The following ADAMTS3 variants were observed in gnomAD, a reference collection of about 807,000 sequenced individuals.
ADAMTS3 encodes the protein A disintegrin and metalloproteinase with thrombospondin motifs 3.
In ADAMTS3, 73 loss-of-function variants were observed where a neutral mutation model predicts 129.0. The observed-to-expected ratio is 0.57, with a 90% CI of 0.47 to 0.69. The LOEUF is 0.69. ADAMTS3 is among the 30% of genes least tolerant of loss of function. The probability of loss-of-function intolerance (pLI) is 0.00; values close to 1 mark genes in which losing one functional copy is unlikely to be tolerated. For synonymous variants in ADAMTS3, 477 were observed against 510.8 expected (o/e 0.93, Z 0.89); for missense variants, 1,457 against 1,514.5 (o/e 0.96, Z 0.63).
In ADAMTS3 at chr4:72,468,359, A is replaced by G. The variant is rs1718975539; in HGVS notation, c.505-53388T>C. ...GTCTTAAGAAAAATAAATCAGGACA[A>G]TATCCCAAATTTCTTTTCAAATACA... On this transcript the variant is annotated intron_variant, in intron 3 of 21. Transcript: ENST00000286657. Among the ~76,000 whole-genome samples, 3 of 152,090 alleles carry G rather than the reference A, an allele frequency of 2.0e-5. No individual in the cohort carries two copies. The South Asian group carries it at 6.2e-4, about 31-fold the overall frequency.
intron 14 of ADAMTS3, among the ~76,000 whole-genome samples, chr4:72,310,800 A>C (rs1423679500): frequency 6.6e-6 from 1 of 151,934 alleles, no homozygotes; most frequent in Non-Finnish European, 1.5e-5. Context: ...GAGGCCTCAG[A>C]GTTACTCAGA....
chr4:72,468,802 T>C (rs1020636346), intron 3 of ADAMTS3, among the ~76,000 whole-genome samples: 8 of 151,950 alleles, frequency 5.3e-5, no homozygotes, highest in African/African-American at 1.9e-4. Flanking sequence ...TTTGACTTGG[T>C]TCACAGCTTA....
At chr4:72,340,765 T>A (rs2109833084) in intron 4 of ADAMTS3, among the ~76,000 whole-genome samples, 1 of 152,200 alleles carries the variant, frequency 6.6e-6, no homozygotes, top group Admixed American at 6.5e-5. Flanking sequence ...CTATATTTTT[T>A]GAGAAAAAAA....
At chr4:72,424,571 G>A (rs1055636285) in intron 3 of ADAMTS3, among the ~76,000 whole-genome samples, 12 of 151,852 alleles carry the variant, frequency 7.9e-5, no homozygotes, top group African/African-American at 2.2e-4. Context: ...ATGCTAAAAC[G>A]CCTGCCTAGA....
intron 5 of ADAMTS3, among the ~76,000 whole-genome samples, chr4:72,338,119 T>TAATGGA (rs1720036803): frequency 1.3e-5 from 2 of 152,164 alleles, no homozygotes; most frequent in African/African-American, 2.4e-5. Flanking sequence ...AATGGATGAC[T>TAATGGA]TGTATTTACA....
chr4:72,379,193 AT>A (rs1721212984), intron 4 of ADAMTS3, among the ~76,000 whole-genome samples: 1 of 152,086 alleles, frequency 6.6e-6, no homozygotes, highest in African/African-American at 2.4e-5. Flanking sequence ...GGGAGGGGCT[AT>A]TCAGGGCGTG....
intron 3 of ADAMTS3, among the ~76,000 whole-genome samples, chr4:72,494,623 T>C (rs1357809495): frequency 6.6e-6 from 1 of 152,192 alleles, no homozygotes; most frequent in South Asian, 2.1e-4. Flanking sequence ...TTTGGTGATA[T>C]CATGTTTAGC....
intron 4 of ADAMTS3, among the ~76,000 whole-genome samples, chr4:72,361,413 A>G (rs1346068625): frequency 6.6e-6 from 1 of 152,200 alleles, no homozygotes; most frequent in Non-Finnish European, 1.5e-5. Flanking sequence ...ACAGATTGTT[A>G]TAATGGCAAT....
chr4:72,554,929 T>A lies in ADAMTS3; in HGVS notation c.98-6045A>T, dbSNP rs907918800. 2.6e-5 allele frequency among the ~76,000 whole-genome samples: 4 copies of A among 151,856 alleles called. 1 individual carries two copies. The highest frequency in any genetic ancestry group is 9.7e-5 in the African/African-American group (4 of 41,118). On this transcript the variant is annotated intron_variant, in intron 2 of 21. Coordinates refer to ENST00000286657, the MANE Select transcript of ADAMTS3 (RefSeq NM_014243.3). ...ATCTGTAAATTACGGGTAATAGTATTGACTTCATAGGCTTGTTGTAAAATT... is the reference window on the plus strand; with the variant it reads ...ATCTGTAAATTACGGGTAATAGTATAGACTTCATAGGCTTGTTGTAAAATT...
At chr4:72,297,667 G>A (rs1718843396) in intron 18 of ADAMTS3, among the ~76,000 whole-genome samples, 1 of 152,082 alleles carries the variant, frequency 6.6e-6, no homozygotes, top group Admixed American at 6.6e-5. Flanking sequence ...GTGAGTGAGA[G>A]CATGTGTTCA....
chr4:72,398,434 G>T (rs1721784567), intron 4 of ADAMTS3, among the ~76,000 whole-genome samples: 1 of 152,048 alleles, frequency 6.6e-6, no homozygotes, highest in Non-Finnish European at 1.5e-5. Flanking sequence ...AAATAGGTGG[G>T]CATAGTAACG....
intron 5 of ADAMTS3, 128 bp from the exon 6 acceptor site, chr4:72,323,225 T>A (rs968109919): frequency 3.0e-5 from 21 of 708,060 alleles, no homozygotes; most frequent in Non-Finnish European, 4.7e-5. Context: ...GTTTAATAGC[T>A]GAACTCTGAA....
At chr4:72,304,645 T>C (rs1719037730) in intron 16 of ADAMTS3, among the ~76,000 whole-genome samples, 1 of 152,090 alleles carries the variant, frequency 6.6e-6, no homozygotes, top group Admixed American at 6.6e-5. Context: ...TTACTGCTAA[T>C]GGAATTCTTA....
intron 4 of ADAMTS3, among the ~76,000 whole-genome samples, chr4:72,363,612 G>C (rs1276976204): frequency 6.6e-6 from 1 of 152,048 alleles, no homozygotes; most frequent in Non-Finnish European, 1.5e-5. Context: ...AAAGATCAAA[G>C]AATAGTCTGG....
At chr4:72,460,211 T>C (rs1288332780) in intron 3 of ADAMTS3, among the ~76,000 whole-genome samples, 2 of 151,612 alleles carry the variant, frequency 1.3e-5, no homozygotes, top group Non-Finnish European at 3.0e-5. Flanking sequence ...AGCACAAAAT[T>C]ATTGTTCTGT....
intron 3 of ADAMTS3, among the ~76,000 whole-genome samples, chr4:72,506,088 A>G (rs760627691): frequency 8.5e-5 from 13 of 152,218 alleles, no homozygotes; most frequent in Non-Finnish European, 1.9e-4. Flanking sequence ...GCGGTGACTC[A>G]GGCTGTTAGT....
intron 3 of ADAMTS3, among the ~76,000 whole-genome samples, chr4:72,449,980 C>T (rs536062976): frequency 1.3e-5 from 2 of 151,200 alleles, no homozygotes; most frequent in African/African-American, 4.8e-5. Context: ...AAGACTTCTC[C>T]TAATCCCACA....
chr4:72,318,625 T>C lies in ADAMTS3; in HGVS notation c.1432A>G (p.Met478Val). 1.2e-6 allele frequency: 2 copies of C among 1,613,844 alleles called. No homozygotes were observed. Among genetic ancestry groups the C allele is most frequent in the Non-Finnish European group, 1.7e-6 (2 of 1,179,876 alleles). Residue 478 changes from methionine to valine, a missense_variant, in exon 10 of 22, where the codon ATG becomes GTG. Physicochemically the swap from Met to Val is conservative, Grantham distance 21. Transcript: ENST00000286657. ...AAATCAAAACGACATTGCTCATCCA[T>C]AGAATAATTGATTCCAGGAAGTTCT... is the stretch of plus-strand genomic sequence containing the variant. ...LPELPGINYS[M>V]DEQCRFDFGV...
At chr4:72,397,778 A>C (rs757038624) in intron 4 of ADAMTS3, among the ~76,000 whole-genome samples, 20 of 152,070 alleles carry the variant, frequency 1.3e-4, no homozygotes, top group Non-Finnish European at 2.5e-4. Flanking sequence ...AGGCTTCCTA[A>C]AGTTCTGCAA....
Sources: gnomAD v4.1 joint callset for allele counts (sites outside exome capture counted in the v4.1 genomes callset) on GRCh38, gnomAD v4.1.1 for gene constraint, MANE v1.5 for transcripts, NCBI Gene and HGNC (gene_info 2026-07-23, HGNC 2026-07-21) for gene names.